The following GRID1 variants were observed in gnomAD, a reference collection of about 807,000 sequenced individuals.
The protein encoded by GRID1 is glutamate receptor ionotropic, delta-1.
A neutral mutation model predicts 98.0 loss-of-function variants in GRID1; 28 were observed. The ratio of observed to expected loss-of-function variants is 0.29; its 90% confidence interval spans 0.21 to 0.39. GRID1 has a LOEUF of 0.39. Among genes scored for constraint, GRID1 ranks in the 10% least tolerant of loss-of-function variants. The pLI is 1.00. For missense variants in GRID1, 1,111 were observed against 1,340.5 expected (o/e 0.83, Z 2.67); for synonymous variants, 553 against 538.5 (o/e 1.03, Z -0.37).
intron 3 of GRID1, among the ~76,000 whole-genome samples, chr10:86,190,858 G>C (rs1336701545): frequency 6.6e-6 from 1 of 151,824 alleles, no homozygotes; most frequent in Non-Finnish European, 1.5e-5. Flanking sequence ...ATGTGTCTAT[G>C]TGCACATGTG....
chr10:85,604,591 G>A (rs1842635674), intron 15 of GRID1, among the ~76,000 whole-genome samples: 3 of 152,158 alleles, frequency 2.0e-5, no homozygotes, highest in African/African-American at 7.2e-5. Context: ...GCTGGAGAAT[G>A]CCAGGCTTCT....
intron 2 of GRID1, among the ~76,000 whole-genome samples, chr10:86,232,717 T>G (rs1437864517): frequency 6.6e-6 from 1 of 152,238 alleles, no homozygotes; most frequent in Admixed American, 6.5e-5. Context: ...ATTAACAATT[T>G]GTATTTTTCA....
chr10:85,773,574 C>T (rs1239306874), intron 8 of GRID1, among the ~76,000 whole-genome samples: 1 of 152,024 alleles, frequency 6.6e-6, no homozygotes, highest in Non-Finnish European at 1.5e-5. Context: ...TCTAGAAAAC[C>T]CCATTGTCTC....
chr10:86,075,392 T>G (rs942089684), intron 4 of GRID1, among the ~76,000 whole-genome samples: 7 of 149,610 alleles, frequency 4.7e-5, no homozygotes, highest in African/African-American at 1.7e-4. Flanking sequence ...ATCAGGGTGA[T>G]GCTGCCACAA....
At chr10:85,773,647 T>C (rs1842297523) in intron 8 of GRID1, among the ~76,000 whole-genome samples, 1 of 152,152 alleles carries the variant, frequency 6.6e-6, no homozygotes, top group Admixed American at 6.5e-5. Context: ...AAAATCAATG[T>C]ACAAAAATCA....
At chr10:86,231,270 A>T (rs1247601622) in intron 2 of GRID1, among the ~76,000 whole-genome samples, 1 of 152,164 alleles carries the variant, frequency 6.6e-6, no homozygotes, top group Non-Finnish European at 1.5e-5. Context: ...GTCTCCCAGG[A>T]GGGAGGCAGG....
chr10:85,961,890 G>A (rs2131849550), intron 4 of GRID1, among the ~76,000 whole-genome samples: 1 of 152,098 alleles, frequency 6.6e-6, no homozygotes, highest in East Asian at 1.9e-4. Flanking sequence ...GGGAAGGAGG[G>A]AAGGAAAAGG....
intron 2 of GRID1, among the ~76,000 whole-genome samples, chr10:86,290,279 C>T (rs1280175776): frequency 1.3e-5 from 2 of 152,228 alleles, no homozygotes; most frequent in African/African-American, 4.8e-5. Flanking sequence ...CTTGTGAGCA[C>T]TGAAGAGGCA....
intron 8 of GRID1, among the ~76,000 whole-genome samples, chr10:85,732,144 G>T (rs536376327): frequency 6.6e-6 from 1 of 152,078 alleles, no homozygotes; most frequent in South Asian, 2.1e-4. Context: ...TTTATTTGGG[G>T]TGCCTGCATC....
At chr10:85,669,313 C>T (rs1313273896) in intron 12 of GRID1, among the ~76,000 whole-genome samples, 1 of 152,104 alleles carries the variant, frequency 6.6e-6, no homozygotes, top group Non-Finnish European at 1.5e-5. Flanking sequence ...GAGCACTTTA[C>T]AGAGAGCATC....
intron 8 of GRID1, among the ~76,000 whole-genome samples, chr10:85,763,946 G>C (rs748609999): frequency 1.3e-5 from 2 of 152,132 alleles, no homozygotes; most frequent in African/African-American, 4.8e-5. Context: ...AAGTCTCTGA[G>C]AGACTCCATT....
At chr10:86,066,001 A>G (rs1843714829) in intron 4 of GRID1, among the ~76,000 whole-genome samples, 1 of 152,190 alleles carries the variant, frequency 6.6e-6, no homozygotes, top group Non-Finnish European at 1.5e-5. Flanking sequence ...AAATTCTTCA[A>G]GTGCTGGAGA....
chr10:85,612,688 C>T (rs904494362), intron 15 of GRID1, among the ~76,000 whole-genome samples: 4 of 151,448 alleles, frequency 2.6e-5, no homozygotes, highest in Admixed American at 1.3e-4. Flanking sequence ...TCCACCCTTC[C>T]GTAGGGCAAA....
chr10:86,289,971 G>T (rs899614842), intron 2 of GRID1, among the ~76,000 whole-genome samples: 9 of 152,222 alleles, frequency 5.9e-5, no homozygotes, highest in African/African-American at 1.9e-4. Context: ...AATGAGAGAA[G>T]AAGAGAAACA....
At chr10:86,039,030 C>T (rs979447163) in intron 4 of GRID1, among the ~76,000 whole-genome samples, 1 of 152,188 alleles carries the variant, frequency 6.6e-6, no homozygotes, top group Non-Finnish European at 1.5e-5. Flanking sequence ...TCCACCTCTA[C>T]GGTATATCCC....
In GRID1 at chr10:86,138,805, C is replaced by T. The variant is rs1345478321; in HGVS notation, c.726+14G>A. 6 of 1,609,124 alleles carry T rather than the reference C, an allele frequency of 3.7e-6. No individual in the cohort carries two copies. The South Asian group carries it at 6.6e-5, about 18-fold the overall frequency. On this transcript the variant is annotated intron_variant, in intron 4 of 15. Coordinates refer to ENST00000327946, the MANE Select transcript of GRID1 (RefSeq NM_017551.3). The stretch of plus-strand genomic sequence containing the variant: ...GGCACCAGGCCCCTGAGGCCTCAGG[C>T]CCCCATGACCTACCTCGTTGATGAA...
intron 2 of GRID1, among the ~76,000 whole-genome samples, chr10:86,275,207 A>T (rs1847250103): frequency 6.6e-6 from 1 of 152,222 alleles, no homozygotes; most frequent in South Asian, 2.1e-4. Flanking sequence ...CAGTGATCAC[A>T]CAAGACAATG....
intron 8 of GRID1, among the ~76,000 whole-genome samples, chr10:85,851,972 A>G (rs1357456940): frequency 6.6e-6 from 1 of 151,342 alleles, no homozygotes; most frequent in African/African-American, 2.4e-5. Context: ...CCCGTCTCCC[A>G]CCCGAAACTA....
chr10:85,822,171 G>A (rs1842778881), intron 8 of GRID1, among the ~76,000 whole-genome samples: 1 of 152,034 alleles, frequency 6.6e-6, no homozygotes, highest in Admixed American at 6.5e-5. Context: ...GGCAACAAAA[G>A]CCAAAATTGA....
Sources: allele counts gnomAD v4.1 joint callset (sites outside exome capture counted in the v4.1 genomes callset), GRCh38; gene constraint gnomAD v4.1.1; transcripts MANE v1.5; gene names NCBI Gene and HGNC (gene_info 2026-07-23, HGNC 2026-07-21).